The following SMC3 variants were observed in gnomAD, a reference collection of about 807,000 sequenced individuals.
SMC3 encodes structural maintenance of chromosomes protein 3.
Under a neutral mutation model 171.8 loss-of-function variants are expected in SMC3, and 20 were observed. That is an observed-to-expected ratio of 0.12 (90% CI 0.08 to 0.17). The LOEUF (loss-of-function observed/expected upper bound fraction) is 0.17. Ranked by LOEUF, SMC3 falls within the 10% of genes least tolerant of loss-of-function variation. The pLI is 1.00. For synonymous variants in SMC3, 464 were observed against 451.1 expected, an observed-to-expected ratio of 1.03 and a Z score of -0.36; for missense variants, 543 against 1,420.4, an observed-to-expected ratio of 0.38 and a Z score of 9.93.
intron 4 of SMC3, among the ~76,000 whole-genome samples, chr10:110,576,236 A>G (rs1324186597): frequency 2.0e-5 from 3 of 152,198 alleles, no homozygotes; most frequent in Non-Finnish European, 4.4e-5. Flanking sequence ...TGGATACTCA[A>G]ATTATGGTTT....
At chr10:110,586,192 T>A (rs528820757) in intron 13 of SMC3, among the ~76,000 whole-genome samples, 1 of 152,360 alleles carries the variant, frequency 6.6e-6, no homozygotes, top group South Asian at 2.1e-4. Context: ...AAGAGCTGTT[T>A]ACTTTGTACT....
At chr10:110,568,370 C>G (rs1179328618) in intron 1 of SMC3, 1 of 172,610 alleles carries the variant, frequency 5.8e-6, no homozygotes. Flanking sequence ...CTCCTGCTTG[C>G]AGGATACGGA....
rs563091382 is a variant in SMC3, at chr10:110,592,926, T to C, written c.1813-147T>C. 5.5e-5 allele frequency: 40 copies of C among 726,406 alleles called. No individual in the cohort carries two copies. The South Asian group carries it at 6.7e-4, about 12-fold the overall frequency. The allele number at this position is 726,406 out of a possible 1,614,324, so 45.0% of individuals were successfully genotyped here. On this transcript the variant is annotated intron_variant, in intron 17 of 28. Transcript: ENST00000361804. ...CCAGGATATTCTAGTGGAATGAGTCTTCTAACTACTTCAGGGAAAACGCCA... is the reference window on the plus strand; with the variant it reads ...CCAGGATATTCTAGTGGAATGAGTCCTCTAACTACTTCAGGGAAAACGCCA...
At chr10:110,594,910 T>G (rs1861272867) in intron 18 of SMC3, among the ~76,000 whole-genome samples, 1 of 152,172 alleles carries the variant, frequency 6.6e-6, no homozygotes, top group African/African-American at 2.4e-5. Flanking sequence ...CTCTAAAAAG[T>G]ATCCATATTC....
chr10:110,567,890 G>A (rs1459780856), intron 1 of SMC3, 59 bp downstream of exon 1: 12 of 1,598,040 alleles, frequency 7.5e-6, no homozygotes, highest in South Asian at 3.3e-5. Flanking sequence ...TCCTTGAGGC[G>A]GGAGTGTTGC....
At chr10:110,580,629 C>T (rs1205611223) in intron 7 of SMC3, among the ~76,000 whole-genome samples, 1 of 152,226 alleles carries the variant, frequency 6.6e-6, no homozygotes, top group African/African-American at 2.4e-5. Flanking sequence ...GCTCTACAAT[C>T]TGAAACCTTT....
At chr10:110,577,342 T>A (rs987699329) in intron 4 of SMC3, 79 bp from the exon 5 acceptor site, 20 of 1,051,364 alleles carry the variant, frequency 1.9e-5, no homozygotes, top group Non-Finnish European at 2.8e-5. Context: ...CTTGTTATTA[T>A]GCCCTAGACT....
chr10:110,597,348 G>T (rs1316635074), intron 19 of SMC3, among the ~76,000 whole-genome samples: 1 of 150,946 alleles, frequency 6.6e-6, no homozygotes. Flanking sequence ...TGTATATGTG[G>T]ATTTTCTTAA....
In SMC3 at chr10:110,596,622, CTT is replaced by C. The variant is rs536047530; in HGVS notation, c.2116+75_2116+76del. 1.6e-4 allele frequency: 226 copies of C among 1,429,468 alleles called. 1 individual carries two copies. In the South Asian group the frequency reaches 1.9e-3, roughly 12 times the overall value. The allele number at this position is 1,429,468 out of a possible 1,614,324, so 88.5% of individuals were successfully genotyped here. On this transcript the variant is annotated intron_variant, in intron 19 of 28. Coordinates refer to ENST00000361804, the MANE Select transcript of SMC3 (RefSeq NM_005445.4). ...CTGTGTTTTGGTTGCCATATATAAT[CTT>C]TTGTTTTTTCACATATTAAAAATTT... is the stretch of plus-strand genomic sequence containing the variant.
intron 20 of SMC3, among the ~76,000 whole-genome samples, chr10:110,599,129 G>A (rs1776480760): frequency 6.6e-6 from 1 of 151,506 alleles, no homozygotes; most frequent in Non-Finnish European, 1.5e-5. Flanking sequence ...ATGGAGTCTC[G>A]CCCTATCGCC....
chr10:110,600,344 C>T, intron 21 of SMC3, 95 bp from the exon 22 acceptor site: 1 of 739,828 alleles, frequency 1.4e-6, no homozygotes, highest in South Asian at 1.5e-5. Context: ...CATTTCAGCT[C>T]ACATGAGCAC....
At chr10:110,595,971 C>A (rs1861294123) in intron 18 of SMC3, among the ~76,000 whole-genome samples, 1 of 119,570 alleles carries the variant, frequency 8.4e-6, no homozygotes, top group Non-Finnish European at 1.6e-5. Context: ...GGCACAGTGG[C>A]TTGACTCTGT....
At chr10:110,591,825 A>G (rs1259509554) in intron 17 of SMC3, among the ~76,000 whole-genome samples, 1 of 152,196 alleles carries the variant, frequency 6.6e-6, no homozygotes, top group African/African-American at 2.4e-5. Context: ...AAGCTATCAA[A>G]GGGTCTGACT....
chr10:110,595,692 G>A (rs555172476), intron 18 of SMC3, among the ~76,000 whole-genome samples: 1 of 152,088 alleles, frequency 6.6e-6, no homozygotes, highest in South Asian at 2.1e-4. Context: ...CTCTTCTGTA[G>A]AAAAGAGTCT....
chr10:110,594,752 G>A (rs778277982), intron 18 of SMC3, among the ~76,000 whole-genome samples: 1 of 151,730 alleles, frequency 6.6e-6, no homozygotes, highest in Non-Finnish European at 1.5e-5. Flanking sequence ...TTTTGTTGTG[G>A]TTGTTTTTGA....
chr10:110,603,062 T>G (rs1861411457), intron 27 of SMC3, 60 bp downstream of exon 27: 6 of 1,579,932 alleles, frequency 3.8e-6, no homozygotes, highest in Non-Finnish European at 5.2e-6. Flanking sequence ...TATTTGCTGA[T>G]GTATATATGA....
chr10:110,602,108 A>G lies in SMC3; in HGVS notation c.3035A>G (p.Lys1012Arg), dbSNP rs750762654. Residue 1012 changes from lysine to arginine, a missense_variant, in exon 25 of 29, where the codon AAA (lysine) becomes AGA (arginine). Physicochemically the swap from Lys to Arg is conservative, Grantham distance 26. Transcript: ENST00000361804. Reference protein sequence around the residue: ...KRQEELDRGYKSIMELMNVLE... With the variant: ...KRQEELDRGYRSIMELMNVLE... The stretch of plus-strand genomic sequence containing the variant: ...CAAGAAGAGTTAGATAGGGGTTACA[A>G]ATCAATCATGGAACTGATGAATGTA... 8 of 1,613,888 alleles carry G rather than the reference A, an allele frequency of 5.0e-6. No homozygotes were observed. Among genetic ancestry groups the G allele is most frequent in the East Asian group, 2.2e-5 (1 of 44,814 alleles).
At chr10:110,598,389 T>G (rs975286869) in intron 20 of SMC3, 99 bp downstream of exon 20, 44 of 1,337,226 alleles carry the variant, frequency 3.3e-5, no homozygotes, top group Non-Finnish European at 4.2e-5. Flanking sequence ...ATTTTATGTT[T>G]CATTTTTGTT....
At position 110,605,127 on chromosome 10, in the gene SMC3, A is replaced by G. The variant is rs191125631; in HGVS notation, c.*825A>G. Among the ~76,000 whole-genome samples, 131 of 152,280 alleles carry G rather than the reference A, an allele frequency of 8.6e-4. No homozygotes were observed. Among genetic ancestry groups the G allele is most frequent in the Middle Eastern group, 3.4e-3 (1 of 294 alleles). ...AGAAGCGAAGTATTCTCATTACCTC[A>G]TATAATAGTACATATTATTAACATG... On this transcript the variant is annotated 3_prime_UTR_variant, in exon 29 of 29. Coordinates refer to ENST00000361804, the MANE Select transcript of SMC3 (RefSeq NM_005445.4).
Sources: allele counts gnomAD v4.1 joint callset (sites outside exome capture counted in the v4.1 genomes callset), GRCh38; gene constraint gnomAD v4.1.1; transcripts MANE v1.5; gene names NCBI Gene and HGNC (gene_info 2026-07-23, HGNC 2026-07-21).